SNW1: variants seen among roughly 807,000 people sequenced by gnomAD.
SNW1 encodes SNW domain containing 1, also known as SNW domain-containing protein 1.
A neutral mutation model predicts 75.6 loss-of-function variants in SNW1; 9 were observed. The observed-to-expected ratio is 0.12, with a 90% CI of 0.07 to 0.21. SNW1 has a LOEUF of 0.21. Among genes scored for constraint, SNW1 ranks in the 10% least tolerant of loss-of-function variants. The pLI is 1.00. For synonymous variants in SNW1, 200 were observed against 219.1 expected, an observed-to-expected ratio of 0.91 and a Z score of 0.77; for missense variants, 409 against 670.9, an observed-to-expected ratio of 0.61 and a Z score of 4.31.
chr14:77,753,190 C>A (rs1328599008), intron 2 of SNW1, among the ~76,000 whole-genome samples: 1 of 152,198 alleles, frequency 6.6e-6, no homozygotes, highest in Non-Finnish European at 1.5e-5. Context: ...ATAAGTTGTT[C>A]TGTTTCACCA....
chr14:77,742,127 G>A (rs1300319040), intron 3 of SNW1, among the ~76,000 whole-genome samples: 1 of 152,014 alleles, frequency 6.6e-6, no homozygotes, highest in Non-Finnish European at 1.5e-5. Flanking sequence ...CGCCTCCCGG[G>A]TTAAAACCAT....
chr14:77,744,747 C>T (rs556889986), intron 3 of SNW1, among the ~76,000 whole-genome samples: 1 of 152,182 alleles, frequency 6.6e-6, no homozygotes, highest in Non-Finnish European at 1.5e-5. Context: ...CAAATTGTTG[C>T]CCTTAGATGT....
chr14:77,734,784 A>T (rs2080657547), intron 8 of SNW1, among the ~76,000 whole-genome samples, 163 bp downstream of exon 8: 2 of 152,106 alleles, frequency 1.3e-5, no homozygotes, highest in Admixed American at 1.3e-4. Context: ...TGGCATACTA[A>T]CATTTCTATT....
intron 5 of SNW1, among the ~76,000 whole-genome samples, chr14:77,737,991 CA>C (rs35896717): frequency 4.2e-4 from 31 of 74,158 alleles, no homozygotes; most frequent in East Asian, 7.4e-4. Context: ...GACTCCATCT[CA>C]AAAAAAAAAA....
At position 77,760,786 on chromosome 14, in the gene SNW1, T is replaced by A; in HGVS notation, c.14+328A>T. 4 of 706,114 alleles carry A rather than the reference T, an allele frequency of 5.7e-6. No homozygotes were observed. The South Asian group carries it at 5.9e-5, about 10-fold the overall frequency. 43.7% of individuals were successfully genotyped at this position (706,114 alleles called of 1,614,324 possible). A position where few individuals can be genotyped will look rare whatever the true frequency, so the allele number is the denominator to read the frequency against. The stretch of plus-strand genomic sequence containing the variant: ...TAAGCCACTACCGTCACCAACCCCA[T>A]CTCGTTCGCCCGAGCCGCGGACCTG... On this transcript the variant is annotated intron_variant, in intron 1 of 13. Transcript: ENST00000261531.
Position 77,718,269 on chromosome 14 carries a change from T to G in SNW1, c.1430A>C (p.Glu477Ala). The change falls in exon 14 of 14, where the codon GAG (glutamate) becomes GCG (alanine). Residue 477 changes from glutamate to alanine, a missense_variant. Coordinates refer to ENST00000261531, the MANE Select transcript of SNW1 (RefSeq NM_012245.3). ...IKTNRFVPDK[E>A]FSGSDRRQRG... ...CTGTCTACGGTCTGAACCAGAAAAC[T>G]CCTTGTCGGGAACAAATCTAAGGAA... is the stretch of plus-strand genomic sequence containing the variant. 1.2e-6 allele frequency: 2 copies of G among 1,613,648 alleles called. No homozygotes were observed. The highest frequency in any genetic ancestry group is 2.2e-5 in the East Asian group (1 of 44,858).
intron 9 of SNW1, among the ~76,000 whole-genome samples, chr14:77,731,701 G>C (rs184062277): frequency 3.3e-5 from 5 of 152,268 alleles, no homozygotes; most frequent in Admixed American, 6.5e-5. Flanking sequence ...TGATGCATGT[G>C]AACTTCAATA....
intron 1 of SNW1, among the ~76,000 whole-genome samples, chr14:77,757,142 A>G (rs1483791927): frequency 6.6e-6 from 1 of 152,180 alleles, no homozygotes; most frequent in Non-Finnish European, 1.5e-5. Context: ...TTATTCAAAA[A>G]TATTTATTAT....
At chr14:77,738,295 T>C (rs1225599905) in intron 5 of SNW1, among the ~76,000 whole-genome samples, 1 of 152,016 alleles carries the variant, frequency 6.6e-6, no homozygotes, top group Non-Finnish European at 1.5e-5. Context: ...AGCAAGATTC[T>C]GTCCCCCACC....
At chr14:77,728,607 ATCTT>A (rs771582022) in intron 10 of SNW1, among the ~76,000 whole-genome samples, 336 of 152,254 alleles carry the variant, frequency 2.2e-3, no homozygotes, top group Non-Finnish European at 3.4e-3. Flanking sequence ...ATTTATATCT[ATCTT>A]CATTTTTTTC....
chr14:77,720,280 G>A (rs1382195007), intron 12 of SNW1, among the ~76,000 whole-genome samples: 4 of 151,954 alleles, frequency 2.6e-5, no homozygotes, highest in South Asian at 2.1e-4. Flanking sequence ...GATTACAGGC[G>A]TGCACCACCA....
intron 3 of SNW1, among the ~76,000 whole-genome samples, chr14:77,748,286 G>C (rs1169404281): frequency 6.6e-6 from 1 of 152,088 alleles, no homozygotes; most frequent in East Asian, 1.9e-4. Context: ...AGGCCGCAGG[G>C]TCCTCTGCCT....
intron 3 of SNW1, among the ~76,000 whole-genome samples, chr14:77,749,998 C>G (rs117574420): frequency 2.1e-3 from 324 of 152,052 alleles, no homozygotes; most frequent in Non-Finnish European, 3.6e-3. Context: ...CCCAAAAGTT[C>G]AAGACCAGCT....
chr14:77,722,468 G>T (rs956382528), intron 11 of SNW1: 1 of 454,088 alleles, frequency 2.2e-6, no homozygotes, highest in East Asian at 7.0e-5. Flanking sequence ...CATATAAAAT[G>T]ATCTCAATAA....
Position 77,720,836 on chromosome 14 carries a change from GA to G in SNW1, c.1131-9del. ...TTTCTCTGAAGTTTCGACCTATTTT[GA>G]AATACGACATCACTAACTGAAAACT... is the stretch of plus-strand genomic sequence containing the variant. On this transcript the variant is annotated splice_polypyrimidine_tract_variant and intron_variant, in intron 11 of 13. Transcript: ENST00000261531. The G allele has an allele frequency of 6.4e-7, 1 of 1,561,180 alleles. No homozygotes were observed. Among genetic ancestry groups the G allele is most frequent in the Non-Finnish European group, 8.8e-7 (1 of 1,133,064 alleles).
intron 3 of SNW1, among the ~76,000 whole-genome samples, chr14:77,750,306 A>G (rs1227025662): frequency 6.6e-6 from 1 of 152,242 alleles, no homozygotes. Context: ...CAAGTGCAGG[A>G]TGAAGAAAAT....
chr14:77,727,189 G>C (rs1473187428), intron 10 of SNW1, among the ~76,000 whole-genome samples: 2 of 152,104 alleles, frequency 1.3e-5, no homozygotes, highest in African/African-American at 4.8e-5. Context: ...GAGTAGCTGG[G>C]ATTACAGGTG....
chr14:77,731,046 T>C lies in SNW1; in HGVS notation c.975A>G (p.Arg325=), dbSNP rs761167646. The part of the protein sequence containing the change: ...KEKEKHEEKL[R]EMAQKARERR... ...TCTCCCTGGCTTTCTGGGCCATTTC[T>C]CTAAGTTTCTCTTCATGTTTTTCCT... The change falls in exon 10 of 14, where the codon AGA becomes AGG. Residue 325 remains arginine, a synonymous_variant. Coordinates refer to ENST00000261531, the MANE Select transcript of SNW1 (RefSeq NM_012245.3). The C allele has an allele frequency of 2.5e-6, 4 of 1,613,990 alleles. No individual in the cohort carries two copies. The highest frequency in any genetic ancestry group is 3.4e-6 in the Non-Finnish European group (4 of 1,179,990).
At chr14:77,759,778 CCACTCTGGCCAACG>C (rs2139940061) in intron 1 of SNW1, among the ~76,000 whole-genome samples, 1 of 152,126 alleles carries the variant, frequency 6.6e-6, no homozygotes, top group East Asian at 1.9e-4. Context: ...GAGTTGGAGA[CCACTCTGGCCAACG>C]CAGTAACACC....
Sources: allele counts gnomAD v4.1 joint callset (sites outside exome capture counted in the v4.1 genomes callset), GRCh38; gene constraint gnomAD v4.1.1; transcripts MANE v1.5; gene names NCBI Gene and HGNC (gene_info 2026-07-23, HGNC 2026-07-21).